B3GAT3: variants seen among roughly 807,000 people sequenced by gnomAD.
The protein encoded by B3GAT3 is galactosylgalactosylxylosylprotein 3-beta-glucuronosyltransferase 3.
A neutral mutation model predicts 33.1 loss-of-function variants in B3GAT3; 19 were observed. That is an observed-to-expected ratio of 0.57 (90% CI 0.40 to 0.84). The LOEUF (loss-of-function observed/expected upper bound fraction) is 0.84. Ranked by LOEUF, B3GAT3 falls within the 40% of genes least tolerant of loss-of-function variation. B3GAT3 has a pLI of 0.00. For missense variants in B3GAT3, 344 were observed against 441.5 expected, an observed-to-expected ratio of 0.78 and a Z score of 1.98; for synonymous variants, 167 against 193.5, an observed-to-expected ratio of 0.86 and a Z score of 1.14.
In B3GAT3 at chr11:62,617,365, A is replaced by G. The variant is rs2134430950; in HGVS notation, c.258-18T>C. 6.2e-7 allele frequency: 1 copy of G among 1,609,440 alleles called. No individual in the cohort carries two copies. The highest frequency in any genetic ancestry group is 8.5e-7 in the Non-Finnish European group (1 of 1,179,854). ...GTACCAGCCTGCAGGGGAGAGATGC[A>G]GCACAAGGAAAAGGGGCAGGCACCA... is the stretch of plus-strand genomic sequence containing the variant. On this transcript the variant is annotated intron_variant, in intron 2 of 4. Coordinates refer to ENST00000265471, the MANE Select transcript of B3GAT3 (RefSeq NM_012200.4).
At position 62,617,362 on chromosome 11, in the gene B3GAT3, T is replaced by A. The variant is rs780740618; in HGVS notation, c.258-15A>T. 6.2e-7 allele frequency: 1 copy of A among 1,610,024 alleles called. No individual in the cohort carries two copies. Among genetic ancestry groups the A allele is most frequent in the Admixed American group, 1.7e-5 (1 of 60,004 alleles). ...TCTGTACCAGCCTGCAGGGGAGAGA[T>A]GCAGCACAAGGAAAAGGGGCAGGCA... On this transcript the variant is annotated splice_polypyrimidine_tract_variant and intron_variant, in intron 2 of 4. Coordinates refer to ENST00000265471, the MANE Select transcript of B3GAT3 (RefSeq NM_012200.4).
Position 62,621,956 on chromosome 11 carries a change from C to T in B3GAT3, c.-9G>A. 6.2e-7 allele frequency: 1 copy of T among 1,612,690 alleles called. No individual in the cohort carries two copies. The highest frequency in any genetic ancestry group is 1.1e-5 in the South Asian group (1 of 91,064). On this transcript the variant is annotated 5_prime_UTR_variant, in exon 1 of 5. Transcript: ENST00000265471. ...TTCAGCTTCAGCTTCATGGCCGCGC[C>T]GCCGCCCGCGCCCGAGCAGGCGGGG...
intron 4 of B3GAT3, chr11:62,616,299 A>G (rs1943026012): frequency 4.2e-6 from 3 of 722,174 alleles, no homozygotes; most frequent in African/African-American, 3.5e-5. Context: ...TCTGTGCCAC[A>G]TGGGTTCCCA....
At chr11:62,621,705 C>A (rs529112491) in intron 1 of B3GAT3, among the ~76,000 whole-genome samples, 161 bp downstream of exon 1, 1 of 152,272 alleles carries the variant, frequency 6.6e-6, no homozygotes, top group African/African-American at 2.4e-5. Context: ...CGGCGGGTAG[C>A]CGCGGTGCGT....
intron 2 of B3GAT3, among the ~76,000 whole-genome samples, chr11:62,618,177 C>CAAAAAAAAAAAAAA (rs150492409): frequency 2.2e-5 from 1 of 46,274 alleles, no homozygotes; most frequent in African/African-American, 1.0e-4. Context: ...AACTCTGTCT[C>CAAAAAAAAAAAAAA]AAAAAAAAAA....
Position 62,617,157 on chromosome 11 carries a change from G to C in B3GAT3, c.448C>G (p.Pro150Ala). The change falls in exon 3 of 5, where the codon CCT becomes GCT. Residue 150 changes from proline (P) to alanine (A), a missense_variant. Physicochemically the swap from Pro to Ala is conservative, Grantham distance 27. Coordinates refer to ENST00000265471, the MANE Select transcript of B3GAT3 (RefSeq NM_012200.4). ...ACACCACGGGGATGAACCCAGCCAG[G>C]CTCGCCCTCCCGAAGCCGCTGGGCT... ...PKAQRLREGEPGWVHPRGVEQ... is the reference protein window; with the variant it reads ...PKAQRLREGEAGWVHPRGVEQ... The C allele has an allele frequency of 6.2e-7, 1 of 1,613,996 alleles. No individual in the cohort carries two copies. The highest frequency in any genetic ancestry group is 8.5e-7 in the Non-Finnish European group (1 of 1,179,994).
Position 62,620,986 on chromosome 11 carries a change from C to A in B3GAT3, c.83-315G>T, listed in dbSNP as rs1036111839. 3.5e-4 allele frequency: 187 copies of A among 534,832 alleles called. 1 individual carries two copies. The Admixed American group carries it at 4.2e-3, about 12-fold the overall frequency. The allele number at this position is 534,832 out of a possible 1,614,324, so 33.1% of individuals were successfully genotyped here. ...AGCTCATGTCCTTAAACAGGACAGT[C>A]TTTTCAGAGTCCAAGGTGCCAACTA... On this transcript the variant is annotated intron_variant, in intron 1 of 4. Transcript: ENST00000265471.
Position 62,615,972 on chromosome 11 carries a change from C to T in B3GAT3, c.910-173G>A, listed in dbSNP as rs533839950. 5.4e-6 allele frequency: 8 copies of T among 1,483,306 alleles called. No individual in the cohort carries two copies. The Admixed American group carries it at 8.5e-5, about 16-fold the overall frequency. The allele number at this position is 1,483,306 out of a possible 1,614,324, so 91.9% of individuals were successfully genotyped here. ...TCTAAAACCGGGCCTTGGCCGGGCGCGTGGCTCACGCCTGTAACCCCAGCA... is the reference window on the plus strand; with the variant it reads ...TCTAAAACCGGGCCTTGGCCGGGCGTGTGGCTCACGCCTGTAACCCCAGCA... On this transcript the variant is annotated intron_variant, in intron 4 of 4. Coordinates refer to ENST00000265471, the MANE Select transcript of B3GAT3 (RefSeq NM_012200.4).
In B3GAT3 at chr11:62,616,797, C is replaced by T. The variant is rs895774521; in HGVS notation, c.619-1G>A. On this transcript the variant is annotated splice_acceptor_variant, in intron 3 of 4. Coordinates refer to ENST00000265471, the MANE Select transcript of B3GAT3 (RefSeq NM_012200.4). LOFTEE classifies it high-confidence loss of function. ...CTGAGACACCACGGGTCCAGCGCAT[C>T]TAACGGAGGTCGGGAGAGAAGAAAC... 6 of 1,613,912 alleles carry T rather than the reference C, an allele frequency of 3.7e-6. No homozygotes were observed. The highest frequency in any genetic ancestry group is 5.1e-6 in the Non-Finnish European group (6 of 1,180,008).
rs1230103816 is a variant in B3GAT3 at position 62,616,769 on chromosome 11, A to G, written c.646T>C (p.Trp216Arg). 1 of 1,613,950 alleles carries G rather than the reference A, an allele frequency of 6.2e-7. No individual in the cohort carries two copies. The highest frequency in any genetic ancestry group is 2.2e-5 in the East Asian group (1 of 44,898). Residue 216 changes from tryptophan to arginine, a missense_variant, in exon 4 of 5, where the codon TGG (tryptophan) becomes CGG (arginine). Physicochemically the swap from Trp to Arg is moderately radical, Grantham distance 101. Transcript: ENST00000265471. ...EMRWTRGVSV[W>R]PVGLVGGLRF... ...AGGCCGCCCACCAGCCCCACAGGCC[A>G]CACTGAGACACCACGGGTCCAGCGC...
rs369693069 is a variant in B3GAT3, at chr11:62,616,806, G to T, written c.619-10C>A. 3 of 1,613,912 alleles carry T rather than the reference G, an allele frequency of 1.9e-6. No individual in the cohort carries two copies. The highest frequency in any genetic ancestry group is 2.5e-6 in the Non-Finnish European group (3 of 1,179,992). The stretch of plus-strand genomic sequence containing the variant: ...CACGGGTCCAGCGCATCTAACGGAG[G>T]TCGGGAGAGAAGAAACAGAGGGGTG... On this transcript the variant is annotated splice_polypyrimidine_tract_variant and intron_variant, in intron 3 of 4. Transcript: ENST00000265471.
At position 62,616,710 on chromosome 11, in the gene B3GAT3, C is replaced by T. The variant is rs1430955795; in HGVS notation, c.705G>A (p.Arg235=). ...RFEGPQVQDG[R]VVGFHTAWEP... ...CCCATGCTGTGTGGAAGCCCACTAC[C>T]CGGCCGTCCTGTACCTGAGGGCCCT... The change falls in exon 4 of 5, where the codon CGG becomes CGA. Residue 235 remains arginine, a synonymous_variant. Transcript: ENST00000265471. 6.2e-7 allele frequency: 1 copy of T among 1,614,042 alleles called. No individual in the cohort carries two copies. The highest frequency in any genetic ancestry group is 8.5e-7 in the Non-Finnish European group (1 of 1,180,018).
chr11:62,616,034 G>A, intron 4 of B3GAT3: 1 of 1,290,800 alleles, frequency 7.7e-7, no homozygotes. Context: ...ACGAGGTCAG[G>A]AGATTGAGAC....
intron 2 of B3GAT3, among the ~76,000 whole-genome samples, chr11:62,619,585 C>T (rs1203163277): frequency 2.6e-5 from 4 of 151,480 alleles, no homozygotes; most frequent in African/African-American, 9.7e-5. Context: ...CTCTGTCGCC[C>T]AGGCTGCATG....
At chr11:62,617,743 G>A (rs898458327) in intron 2 of B3GAT3, among the ~76,000 whole-genome samples, 1 of 152,042 alleles carries the variant, frequency 6.6e-6, no homozygotes, top group South Asian at 2.1e-4. Flanking sequence ...TGGGTGTAGT[G>A]GCACATGCCT....
At chr11:62,618,878 G>A (rs1344437153) in intron 2 of B3GAT3, among the ~76,000 whole-genome samples, 1 of 152,092 alleles carries the variant, frequency 6.6e-6, no homozygotes, top group Non-Finnish European at 1.5e-5. Context: ...AGCTACTCGG[G>A]GGGCTGAGGC....
At chr11:62,620,122 C>G (rs1035445441) in intron 2 of B3GAT3, among the ~76,000 whole-genome samples, 1 of 152,192 alleles carries the variant, frequency 6.6e-6, no homozygotes, top group Non-Finnish European at 1.5e-5. Context: ...CTCTCAGGTT[C>G]AAGGGATTCT....
At chr11:62,615,997 A>G in intron 4 of B3GAT3, 198 bp from the exon 5 acceptor site, 1 of 1,438,276 alleles carries the variant, frequency 7.0e-7, no homozygotes, top group Non-Finnish European at 9.1e-7. Context: ...TAACCCCAGC[A>G]CTTTGGGAGG....
At position 62,620,766 on chromosome 11, in the gene B3GAT3, C is replaced by T. The variant is rs1347819669; in HGVS notation, c.83-95G>A. The T allele has an allele frequency of 2.4e-6, 3 of 1,247,838 alleles. No homozygotes were observed. The African/African-American group carries it at 4.5e-5, about 19-fold the overall frequency. The allele number at this position is 1,247,838 out of a possible 1,614,324, so 77.3% of individuals were successfully genotyped here. ...AGGGCCGTAATCGTCTCATTAATTCCTAACCAATGCAGGTATCACCTTATG... is the reference window on the plus strand; with the variant it reads ...AGGGCCGTAATCGTCTCATTAATTCTTAACCAATGCAGGTATCACCTTATG... On this transcript the variant is annotated intron_variant, in intron 1 of 4. Transcript: ENST00000265471.
Sources: gnomAD v4.1 joint callset for allele counts (sites outside exome capture counted in the v4.1 genomes callset) on GRCh38, gnomAD v4.1.1 for gene constraint, MANE v1.5 for transcripts, NCBI Gene and HGNC (gene_info 2026-07-23, HGNC 2026-07-21) for gene names.